DOCK3: variants seen among roughly 807,000 people sequenced by gnomAD.
DOCK3 encodes the protein dedicator of cytokinesis protein 3.
A neutral mutation model predicts 265.6 loss-of-function variants in DOCK3; 60 were observed. The ratio of observed to expected loss-of-function variants is 0.23; its 90% CI spans 0.18 to 0.28. DOCK3 has a LOEUF of 0.28. Among genes scored for constraint, DOCK3 ranks in the 10% least tolerant of loss-of-function variants. The probability of loss-of-function intolerance (pLI) is 1.00; values close to 1 mark genes in which losing one functional copy is unlikely to be tolerated. For synonymous variants in DOCK3, 881 were observed against 938.0 expected, an observed-to-expected ratio of 0.94 and a Z score of 1.11; for missense variants, 1,981 against 2,594.3, an observed-to-expected ratio of 0.76 and a Z score of 5.14.
chr3:50,958,769 A>G (rs935655168), intron 5 of DOCK3, among the ~76,000 whole-genome samples: 10 of 152,188 alleles, frequency 6.6e-5, no homozygotes, highest in African/African-American at 1.9e-4. Flanking sequence ...CTCACTTTCT[A>G]TTGTGGGAAA....
At chr3:50,726,710 G>T (rs772790743) in intron 1 of DOCK3, among the ~76,000 whole-genome samples, 2 of 152,076 alleles carry the variant, frequency 1.3e-5, no homozygotes, top group Non-Finnish European at 2.9e-5. Flanking sequence ...ACAGCACAAA[G>T]AATTTACTCT....
intron 9 of DOCK3, among the ~76,000 whole-genome samples, chr3:51,108,860 C>A (rs2083397882): frequency 6.6e-6 from 1 of 152,198 alleles, no homozygotes; most frequent in South Asian, 2.1e-4. Flanking sequence ...ATGCGCTCAA[C>A]ACAGGAGCAC....
chr3:51,221,702 A>T (rs1373918294), intron 14 of DOCK3, among the ~76,000 whole-genome samples: 1 of 152,218 alleles, frequency 6.6e-6, no homozygotes. Context: ...TCACCCAGGC[A>T]CTAAGCACTC....
chr3:50,872,036 T>C (rs2047456404), intron 3 of DOCK3, among the ~76,000 whole-genome samples: 1 of 152,244 alleles, frequency 6.6e-6, no homozygotes, highest in Non-Finnish European at 1.5e-5. Context: ...ATTTGGTTCC[T>C]GGTGCCTTAT....
chr3:50,970,942 TATATA>T (rs1386898771), intron 5 of DOCK3, among the ~76,000 whole-genome samples: 132 of 74,510 alleles, frequency 1.8e-3, no homozygotes, highest in African/African-American at 5.8e-3. Flanking sequence ...TATATATATA[TATATA>T]ATGTGTGTGT....
intron 5 of DOCK3, among the ~76,000 whole-genome samples, chr3:50,968,075 G>A (rs1359266668): frequency 6.6e-6 from 1 of 152,190 alleles, no homozygotes; most frequent in Non-Finnish European, 1.5e-5. Context: ...GAGGAGAGAT[G>A]ATATTTCATT....
chr3:51,007,194 A>G (rs972293903), intron 5 of DOCK3, among the ~76,000 whole-genome samples: 5 of 152,308 alleles, frequency 3.3e-5, no homozygotes, highest in East Asian at 3.9e-4. Flanking sequence ...TTGAGGAATC[A>G]CCACACTGAC....
chr3:51,310,944 T>C (rs1046649570), intron 28 of DOCK3, among the ~76,000 whole-genome samples: 10 of 152,234 alleles, frequency 6.6e-5, no homozygotes, highest in African/African-American at 2.2e-4. Context: ...TATTGACATA[T>C]AAAATACAGT....
Position 51,381,742 on chromosome 3 carries a change from G to A in DOCK3, c.*183G>A. On this transcript the variant is annotated 3_prime_UTR_variant, in exon 53 of 53. Coordinates refer to ENST00000266037, the MANE Select transcript of DOCK3 (RefSeq NM_004947.5). The surrounding 1 kb of genome is among the most constrained non-coding windows in gnomAD (Gnocchi z 5.6). Reference sequence around the variant, plus strand: ...TGTGTTGCCATGTACAGAGGCCACAGCAGCATGAAGGGTTGTGGCTTCCCT... The same window carrying A: ...TGTGTTGCCATGTACAGAGGCCACAACAGCATGAAGGGTTGTGGCTTCCCT... 8.7e-6 allele frequency: 6 copies of A among 686,348 alleles called. No individual in the cohort carries two copies. In the South Asian group the frequency reaches 1.9e-4, roughly 22 times the overall value. 42.5% of individuals were successfully genotyped at this position (686,348 alleles called of 1,614,324 possible). A position where few individuals can be genotyped will look rare whatever the true frequency, so the allele number is the denominator to read the frequency against.
At chr3:51,205,889 A>G (rs1368236161) in intron 12 of DOCK3, among the ~76,000 whole-genome samples, 2 of 152,222 alleles carry the variant, frequency 1.3e-5, no homozygotes, top group African/African-American at 4.8e-5. Flanking sequence ...GTAGACTGCA[A>G]AATTTCGAGA....
intron 10 of DOCK3, among the ~76,000 whole-genome samples, chr3:51,152,427 A>G (rs989994877): frequency 1.3e-5 from 2 of 152,024 alleles, no homozygotes; most frequent in African/African-American, 4.8e-5. Context: ...CTTCTTTGAG[A>G]TGGGTTTGAA....
intron 37 of DOCK3, among the ~76,000 whole-genome samples, chr3:51,339,907 T>A (rs1436695341): frequency 6.6e-6 from 1 of 152,262 alleles, no homozygotes; most frequent in Admixed American, 6.5e-5. Context: ...AGAATCCTCC[T>A]TCTTTATCTC....
In DOCK3 at chr3:50,675,414, C is replaced by T; in HGVS notation, c.37+114C>T. ...CGCCACTGCCCGCAGGCTGCGCGGC[C>T]TCGGCGCGGGGCGAGCGCGGGGTGG... On this transcript the variant is annotated intron_variant, in intron 1 of 52. Transcript: ENST00000266037. The surrounding 1 kb of genome is among the most constrained non-coding windows in gnomAD (Gnocchi z 6.1). The T allele has an allele frequency of 1.0e-6, 1 of 999,982 alleles. No homozygotes were observed. Among genetic ancestry groups the T allele is most frequent in the Non-Finnish European group, 1.3e-6 (1 of 798,468 alleles). The allele number at this position is 999,982 out of a possible 1,614,324, so 61.9% of individuals were successfully genotyped here.
In DOCK3 at chr3:51,332,131, G is replaced by C. The variant is rs545900341; in HGVS notation, c.3489-870G>C. Among the ~76,000 whole-genome samples, 50 of 152,344 alleles carry C rather than the reference G, an allele frequency of 3.3e-4. No homozygotes were observed. In the South Asian group the frequency reaches 9.9e-3, roughly 30 times the overall value. On this transcript the variant is annotated intron_variant, in intron 33 of 52. Transcript: ENST00000266037. Reference sequence around the variant, plus strand: ...CAGGCTGTGGGTTTGAGTCCCCAGTGCTAGACCCCTAACTGGGTCTGCCAC... The same window carrying C: ...CAGGCTGTGGGTTTGAGTCCCCAGTCCTAGACCCCTAACTGGGTCTGCCAC...
intron 37 of DOCK3, among the ~76,000 whole-genome samples, chr3:51,340,199 G>A (rs572405211): frequency 1.4e-4 from 22 of 152,300 alleles, no homozygotes; most frequent in African/African-American, 4.6e-4. Context: ...CTGGGTCAGG[G>A]ATTTTAACAG....
chr3:51,160,596 C>G lies in DOCK3; in HGVS notation c.931C>G (p.Leu311Val). ...LNDSKKGPPH[L>V]HYRRPYGCAV... ...CGACTCAAAGAAAGGTCCTCCTCACCTGCACTACAGGCGACCATATGGCTG... is the reference window on the plus strand; with the variant it reads ...CGACTCAAAGAAAGGTCCTCCTCACGTGCACTACAGGCGACCATATGGCTG... The change falls in exon 12 of 53, where the codon CTG becomes GTG. Residue 311 changes from leucine to valine, a missense_variant. This residue lies in a region of DOCK3 where 456 missense variants were observed against 539.0 expected (regional missense o/e 0.85). Coordinates refer to ENST00000266037, the MANE Select transcript of DOCK3 (RefSeq NM_004947.5). 3 of 1,612,950 alleles carry G rather than the reference C, an allele frequency of 1.9e-6. No homozygotes were observed. The highest frequency in any genetic ancestry group is 2.5e-6 in the Non-Finnish European group (3 of 1,179,422).
chr3:51,017,506 G>A (rs1390988673), intron 5 of DOCK3, among the ~76,000 whole-genome samples: 3 of 151,660 alleles, frequency 2.0e-5, no homozygotes, highest in Non-Finnish European at 4.4e-5. Flanking sequence ...AGCTATAAAT[G>A]TTCCTCTTAG....
At chr3:50,884,572 C>A (rs2048233299) in intron 3 of DOCK3, among the ~76,000 whole-genome samples, 1 of 151,982 alleles carries the variant, frequency 6.6e-6, no homozygotes, top group African/African-American at 2.4e-5. Context: ...TCTCTCTTGT[C>A]AATTTTTTTC....
At chr3:51,333,359 G>T in intron 35 of DOCK3, 106 bp downstream of exon 35, 1 of 1,127,476 alleles carries the variant, frequency 8.9e-7, no homozygotes, top group East Asian at 2.4e-5. Flanking sequence ...TCATGGGGAG[G>T]ACTGTTGTGA....
Sources: allele counts gnomAD v4.1 joint callset (sites outside exome capture counted in the v4.1 genomes callset), GRCh38; gene constraint gnomAD v4.1.1; regional missense constraint gnomAD v4.1.1; non-coding constraint Gnocchi (gnomAD v3.1); transcripts MANE v1.5; gene names NCBI Gene and HGNC (gene_info 2026-07-23, HGNC 2026-07-21).